MYRFL: variants seen among roughly 807,000 people sequenced by gnomAD.
MYRFL encodes myelin regulatory factor-like protein.
In MYRFL, 88 loss-of-function variants were observed where a neutral mutation model predicts 109.4. The ratio of observed to expected loss-of-function variants is 0.80; its 90% confidence interval spans 0.68 to 0.96. The LOEUF (loss-of-function observed/expected upper bound fraction) is 0.96. MYRFL is among the 40% of genes least tolerant of loss of function. The probability of loss-of-function intolerance (pLI) is 0.00; values close to 1 mark genes in which losing one functional copy is unlikely to be tolerated. For synonymous variants in MYRFL, 324 were observed against 320.9 expected (o/e 1.01, Z -0.10); for missense variants, 957 against 954.9 (o/e 1.00, Z -0.03).
chr12:69,900,202 C>A (rs548856227), intron 10 of MYRFL, among the ~76,000 whole-genome samples: 13 of 152,258 alleles, frequency 8.5e-5, no homozygotes, highest in African/African-American at 3.1e-4. Context: ...CATGGGAAAC[C>A]AAACCTAGGG....
At chr12:69,901,363 G>C (rs1465448879) in intron 10 of MYRFL, among the ~76,000 whole-genome samples, 1 of 152,170 alleles carries the variant, frequency 6.6e-6, no homozygotes, top group African/African-American at 2.4e-5. Context: ...GATCTTATGA[G>C]AACATTTCCT....
intron 2 of MYRFL, 39 bp from the exon 3 acceptor site, chr12:69,878,989 G>C (rs1592744214): frequency 7.1e-6 from 5 of 702,694 alleles, no homozygotes; most frequent in East Asian, 5.4e-5. Flanking sequence ...TAATGGACTA[G>C]AGTGAAACAA....
rs537888173 is a variant in MYRFL at position 69,853,951 on chromosome 12, C to T, written c.47-1329C>T. Reference sequence around the variant, plus strand: ...CTCACTTCCCAGACGGGGTGGCGGCCGGGCAGAGGCTGCAATCTCGGCACT... The same window carrying T: ...CTCACTTCCCAGACGGGGTGGCGGCTGGGCAGAGGCTGCAATCTCGGCACT... On this transcript the variant is annotated intron_variant, in intron 1 of 24. Coordinates refer to ENST00000552032, the MANE Select transcript of MYRFL (RefSeq NM_182530.3). 8.7e-4 allele frequency among the ~76,000 whole-genome samples: 132 copies of T among 152,242 alleles called. 1 individual carries two copies. Among genetic ancestry groups the T allele is most frequent in the African/African-American group, 3.0e-3 (123 of 41,540 alleles).
chr12:69,913,671 C>T (rs556353617), intron 13 of MYRFL, among the ~76,000 whole-genome samples: 1 of 152,282 alleles, frequency 6.6e-6, no homozygotes, highest in African/African-American at 2.4e-5. Flanking sequence ...GTCTTTATGC[C>T]AGTACCACAC....
intron 15 of MYRFL, among the ~76,000 whole-genome samples, chr12:69,928,254 G>C (rs564130576): frequency 5.3e-5 from 8 of 152,330 alleles, no homozygotes; most frequent in African/African-American, 1.9e-4. Context: ...TATTAAGTAG[G>C]ATAGTATTTA....
Position 69,926,595 on chromosome 12 carries a change from G to T in MYRFL, c.1627G>T (p.Gly543Cys). The T allele has an allele frequency of 6.6e-7, 1 of 1,509,442 alleles. No individual in the cohort carries two copies. The highest frequency in any genetic ancestry group is 8.8e-7 in the Non-Finnish European group (1 of 1,135,284). The allele number at this position is 1,509,442 out of a possible 1,614,324, so 93.5% of individuals were successfully genotyped here. A position where few individuals can be genotyped will look rare whatever the true frequency, so the allele number is the denominator to read the frequency against. ...DKDQIFMENV[G>C]AVKQLCKLTN... ...GGACCAGATCTTTATGGAAAATGTA[G>T]GTGCAGTGAAGCAACTGTGCAAACT... is the stretch of plus-strand genomic sequence containing the variant. Residue 543 changes from glycine to cysteine, a missense_variant, in exon 14 of 25, where the codon GGT (glycine) becomes TGT (cysteine). Gly to Cys is a radical substitution (Grantham distance 159, BLOSUM62 -3). Transcript: ENST00000552032.
Position 69,936,641 on chromosome 12 carries a change from T to C in MYRFL, c.2224+9T>C, listed in dbSNP as rs1285916433. ...TCAGAGGCGATGGTCAGGTAAATGA[T>C]GTTCAAAGAGAAACAACTAGAGCTT... On this transcript the variant is annotated intron_variant, in intron 19 of 24. Transcript: ENST00000552032. 4 of 1,494,818 alleles carry C rather than the reference T, an allele frequency of 2.7e-6. No homozygotes were observed. In the East Asian group the frequency reaches 7.5e-5, roughly 28 times the overall value. The allele number at this position is 1,494,818 out of a possible 1,614,324, so 92.6% of individuals were successfully genotyped here. A position where few individuals can be genotyped will look rare whatever the true frequency, so the allele number is the denominator to read the frequency against.
rs1884907919 is a variant in MYRFL at position 69,864,670 on chromosome 12, A to AC, written c.137+9300_137+9301insC. Among the ~76,000 whole-genome samples the AC allele has an allele frequency of 8.5e-3, 35 of 4,126 alleles. 1 individual carries two copies. The highest frequency in any genetic ancestry group is 0.018 in the East Asian group (2 of 114). 2.7% of individuals were successfully genotyped at this position (4,126 alleles called of 152,430 possible). Reference sequence around the variant, plus strand: ...ACACACACACACACACACACACACAAACACACACACACACACACAGAGCTA... The same window carrying AC: ...ACACACACACACACACACACACACAACACACACACACACACACACAGAGCTA... On this transcript the variant is annotated intron_variant, in intron 2 of 24. Transcript: ENST00000552032.
intron 13 of MYRFL, among the ~76,000 whole-genome samples, chr12:69,925,780 T>G (rs1309403173): frequency 1.4e-5 from 1 of 72,122 alleles, no homozygotes; most frequent in Non-Finnish European, 2.5e-5. Context: ...AATATGTGCT[T>G]TAAAAAAATT....
chr12:69,875,438 C>T (rs1174296914), intron 2 of MYRFL, among the ~76,000 whole-genome samples: 1 of 152,072 alleles, frequency 6.6e-6, no homozygotes, highest in East Asian at 1.9e-4. Flanking sequence ...TTTAAAGATC[C>T]TTGTCTGCTA....
At chr12:69,915,478 C>T (rs951231485) in intron 13 of MYRFL, among the ~76,000 whole-genome samples, 1 of 152,128 alleles carries the variant, frequency 6.6e-6, no homozygotes, top group South Asian at 2.1e-4. Flanking sequence ...TACCTCACAA[C>T]CTGATGCCAA....
At chr12:69,909,380 A>T (rs1954478300) in intron 11 of MYRFL, among the ~76,000 whole-genome samples, 1 of 152,114 alleles carries the variant, frequency 6.6e-6, no homozygotes, top group Non-Finnish European at 1.5e-5. Context: ...ACAATAACAA[A>T]ATATGTTTTT....
chr12:69,852,579 A>ATTTTTTTTTTTTTTTTTTTTTTTTTATT (rs61145700), intron 1 of MYRFL, among the ~76,000 whole-genome samples: 1 of 112,212 alleles, frequency 8.9e-6, no homozygotes, highest in Non-Finnish European at 1.8e-5. Flanking sequence ...TTAATTTTTA[A>ATTTTTTTTTTTTTTTTTTTTTTTTTATT]TTTTTTTTTT....
chr12:69,871,215 C>G (rs1466578173), intron 2 of MYRFL, among the ~76,000 whole-genome samples: 1 of 150,060 alleles, frequency 6.7e-6, no homozygotes, highest in African/African-American at 2.5e-5. Context: ...CACTTTCCAA[C>G]TCTTTTTGGA....
At chr12:69,870,922 A>G (rs930603552) in intron 2 of MYRFL, among the ~76,000 whole-genome samples, 2 of 151,850 alleles carry the variant, frequency 1.3e-5, no homozygotes, top group Non-Finnish European at 2.9e-5. Context: ...GCCAAGCCAT[A>G]TTTTTTTTAG....
intron 13 of MYRFL, among the ~76,000 whole-genome samples, chr12:69,912,185 A>C (rs1029161811): frequency 2.0e-5 from 3 of 152,204 alleles, no homozygotes; most frequent in African/African-American, 7.2e-5. Flanking sequence ...TCCCAAGAAC[A>C]TATCTTCGAT....
intron 1 of MYRFL, among the ~76,000 whole-genome samples, chr12:69,832,676 G>A (rs1158844794): frequency 6.6e-6 from 1 of 152,136 alleles, no homozygotes; most frequent in Non-Finnish European, 1.5e-5. Flanking sequence ...GCTTGAAGTG[G>A]TTGGGAGAGG....
intron 6 of MYRFL, among the ~76,000 whole-genome samples, chr12:69,889,012 A>G (rs370786664): frequency 1.3e-5 from 2 of 152,176 alleles, no homozygotes; most frequent in East Asian, 3.9e-4. Flanking sequence ...AACTTGATCC[A>G]TTGGGAAGGT....
At chr12:69,831,468 C>T (rs1882630465) in intron 1 of MYRFL, among the ~76,000 whole-genome samples, 1 of 152,140 alleles carries the variant, frequency 6.6e-6, no homozygotes, top group Non-Finnish European at 1.5e-5. Context: ...CAGAATCATC[C>T]TTAGGAACAT....
Sources: allele counts gnomAD v4.1 joint callset (sites outside exome capture counted in the v4.1 genomes callset), GRCh38; gene constraint gnomAD v4.1.1; transcripts MANE v1.5; gene names NCBI Gene and HGNC (gene_info 2026-07-23, HGNC 2026-07-21).